The following CFDP1 variants were observed in gnomAD, a reference collection of about 807,000 sequenced individuals.
The protein encoded by CFDP1 is heterochromatin-stabilizing protein CFDP1.
In CFDP1, 31 loss-of-function variants were observed where a neutral mutation model predicts 40.1. The ratio of observed to expected loss-of-function variants is 0.77; its 90% confidence interval spans 0.58 to 1.04. CFDP1 has a LOEUF of 1.04. CFDP1 is among the 50% of genes least tolerant of loss of function. The probability of loss-of-function intolerance (pLI) is 0.00; values close to 1 mark genes in which losing one functional copy is unlikely to be tolerated. For missense variants in CFDP1, 423 were observed against 343.4 expected, an observed-to-expected ratio of 1.23 and a Z score of -1.83; for synonymous variants, 167 against 120.0, an observed-to-expected ratio of 1.39 and a Z score of -2.56.
intron 5 of CFDP1, among the ~76,000 whole-genome samples, chr16:75,357,803 T>G (rs563625516): frequency 6.6e-6 from 1 of 152,346 alleles, no homozygotes; most frequent in South Asian, 2.1e-4. Flanking sequence ...GTAGCACTCT[T>G]AGCTTCCTTC....
chr16:75,376,632 AC>A (rs1404254422), intron 5 of CFDP1, among the ~76,000 whole-genome samples: 1 of 152,212 alleles, frequency 6.6e-6, no homozygotes, highest in Non-Finnish European at 1.5e-5. Context: ...TTCTGGAGTG[AC>A]GGAATCATAC....
At chr16:75,363,395 CTTT>C (rs574638173) in intron 5 of CFDP1, among the ~76,000 whole-genome samples, 98 of 143,720 alleles carry the variant, frequency 6.8e-4, no homozygotes, top group Non-Finnish European at 1.0e-3. Flanking sequence ...AGCACTTTAC[CTTT>C]TTTTTTTTTT....
chr16:75,384,467 T>C (rs957209718), intron 5 of CFDP1, among the ~76,000 whole-genome samples: 2 of 152,188 alleles, frequency 1.3e-5, no homozygotes, highest in Non-Finnish European at 2.9e-5. Context: ...GATAAATACA[T>C]ATTGGTAAAT....
chr16:75,320,100 C>G (rs1481678906), intron 5 of CFDP1, among the ~76,000 whole-genome samples: 1 of 152,176 alleles, frequency 6.6e-6, no homozygotes, highest in African/African-American at 2.4e-5. Flanking sequence ...CAAGAGAAAA[C>G]GGTAAGTAGA....
At chr16:75,331,408 T>C (rs1479476568) in intron 5 of CFDP1, among the ~76,000 whole-genome samples, 2 of 152,164 alleles carry the variant, frequency 1.3e-5, no homozygotes, top group Non-Finnish European at 2.9e-5. Flanking sequence ...TAAACCACTA[T>C]GCCCAGCCTG....
At chr16:75,318,143 A>G (rs895733439) in intron 5 of CFDP1, among the ~76,000 whole-genome samples, 12 of 152,022 alleles carry the variant, frequency 7.9e-5, no homozygotes, top group African/African-American at 2.7e-4. Flanking sequence ...CGTATCACAA[A>G]AAAAAGAAAA....
At chr16:75,379,001 G>A (rs1308175809) in intron 5 of CFDP1, among the ~76,000 whole-genome samples, 1 of 151,742 alleles carries the variant, frequency 6.6e-6, no homozygotes, top group African/African-American at 2.4e-5. Flanking sequence ...ATAATGCATG[G>A]GTCAAAAAGA....
Position 75,411,904 on chromosome 16 carries a change from C to A in CFDP1, c.451G>T (p.Ala151Ser), listed in dbSNP as rs777326580. Residue 151 changes from alanine (A) to serine (S), a missense_variant, in exon 4 of 7, where the codon GCA becomes TCA. Coordinates refer to ENST00000283882, the MANE Select transcript of CFDP1 (RefSeq NM_006324.3). ...TCTTTAGGTTTCTCTAGCTCTTCTG[C>A]TTTTACCAACAATTTACTTGAACTT... is the stretch of plus-strand genomic sequence containing the variant. ...ETSSSKLLVK[A>S]EELEKPKETE... 25 of 1,611,886 alleles carry A rather than the reference C, an allele frequency of 1.6e-5. 2 individuals are homozygous for A. The South Asian group carries it at 2.8e-4, about 18-fold the overall frequency.
chr16:75,326,995 G>A (rs992132262), intron 5 of CFDP1, among the ~76,000 whole-genome samples: 1 of 152,248 alleles, frequency 6.6e-6, no homozygotes, highest in African/African-American at 2.4e-5. Context: ...AATAGGCCGG[G>A]CGCAGTGGCT....
intron 5 of CFDP1, among the ~76,000 whole-genome samples, chr16:75,349,698 T>TATATATATATATATATATACATACAC: frequency 2.1e-5 from 1 of 47,900 alleles, no homozygotes; most frequent in African/African-American, 1.1e-4. Flanking sequence ...AAAATATATA[T>TATATATATATATATATATACATACAC]ACATACATAT....
chr16:75,299,923 G>C (rs2078210579), intron 6 of CFDP1, among the ~76,000 whole-genome samples: 1 of 152,100 alleles, frequency 6.6e-6, no homozygotes, highest in African/African-American at 2.4e-5. Flanking sequence ...GAGCCTCCTG[G>C]GGAAGGAGCA....
At chr16:75,319,969 A>G (rs2078350438) in intron 5 of CFDP1, among the ~76,000 whole-genome samples, 1 of 152,240 alleles carries the variant, frequency 6.6e-6, no homozygotes, top group African/African-American at 2.4e-5. Flanking sequence ...TGGTTTTCAT[A>G]GAGGCTAACC....
At chr16:75,414,484 T>A in intron 2 of CFDP1, 94 bp downstream of exon 2, 1 of 751,020 alleles carries the variant, frequency 1.3e-6, no homozygotes, top group South Asian at 1.7e-5. Flanking sequence ...TTAGAAACTC[T>A]GGCTTCATTA....
intron 6 of CFDP1, among the ~76,000 whole-genome samples, chr16:75,302,793 C>T (rs1041047356): frequency 2.6e-5 from 4 of 152,208 alleles, no homozygotes; most frequent in African/African-American, 7.2e-5. Flanking sequence ...GCACTTCATC[C>T]GGAGTCTTCC....
intron 5 of CFDP1, among the ~76,000 whole-genome samples, chr16:75,319,226 T>C (rs946311674): frequency 1.3e-5 from 2 of 152,010 alleles, no homozygotes; most frequent in Non-Finnish European, 2.9e-5. Flanking sequence ...GTATTTTTAG[T>C]AGAGATGGGG....
chr16:75,297,286 C>G (rs561597132), intron 6 of CFDP1, among the ~76,000 whole-genome samples: 1 of 152,010 alleles, frequency 6.6e-6, no homozygotes, highest in Admixed American at 6.6e-5. Context: ...TCCCGAAGTG[C>G]TGGGATTACA....
chr16:75,367,638 C>T (rs1480357649), intron 5 of CFDP1, among the ~76,000 whole-genome samples: 2 of 151,440 alleles, frequency 1.3e-5, no homozygotes. Context: ...ACTAAAAATA[C>T]AAAAATTAGC....
intron 4 of CFDP1, among the ~76,000 whole-genome samples, chr16:75,398,915 G>C (rs1299272162): frequency 6.6e-6 from 1 of 152,102 alleles, no homozygotes; most frequent in Non-Finnish European, 1.5e-5. Context: ...AAATTAGCCA[G>C]GCATGGTGGC....
chr16:75,316,120 T>C (rs1342878537), intron 5 of CFDP1, among the ~76,000 whole-genome samples: 1 of 152,148 alleles, frequency 6.6e-6, no homozygotes, highest in African/African-American at 2.4e-5. Context: ...GGATGCTAAA[T>C]AGATGAGGTT....
Sources: allele counts gnomAD v4.1 joint callset (sites outside exome capture counted in the v4.1 genomes callset), GRCh38; gene constraint gnomAD v4.1.1; transcripts MANE v1.5; gene names NCBI Gene and HGNC (gene_info 2026-07-23, HGNC 2026-07-21).